KIF6: variants seen among roughly 807,000 people sequenced by gnomAD.
The protein encoded by KIF6 is kinesin-like protein KIF6.
KIF6 carries 106 observed loss-of-function variants against 112.7 expected under a neutral mutation model. The ratio of observed to expected loss-of-function variants is 0.94; its 90% confidence interval spans 0.80 to 1.11. The LOEUF is 1.11. Among genes scored for constraint, KIF6 ranks in the 50% least tolerant of loss-of-function variants. KIF6 has a pLI of 0.00. For synonymous variants in KIF6, 339 were observed against 339.9 expected, an observed-to-expected ratio of 1.00 and a Z score of 0.03; for missense variants, 929 against 964.0, an observed-to-expected ratio of 0.96 and a Z score of 0.48.
At chr6:39,357,404 T>C (rs1247106199) in intron 18 of KIF6, 30 bp from the exon 19 acceptor site, 1 of 1,377,384 alleles carries the variant, frequency 7.3e-7, no homozygotes, top group African/African-American at 1.4e-5. Context: ...TTTCACAGTG[T>C]TAGCTTGAAT....
chr6:39,362,881 G>A (rs1562133571), intron 16 of KIF6, among the ~76,000 whole-genome samples: 2 of 152,208 alleles, frequency 1.3e-5, no homozygotes, highest in African/African-American at 2.4e-5. Context: ...AGGCACAGTG[G>A]CTCACGCTTG....
At chr6:39,396,566 C>T (rs753386227) in intron 15 of KIF6, among the ~76,000 whole-genome samples, 4 of 152,114 alleles carry the variant, frequency 2.6e-5, no homozygotes, top group Admixed American at 6.5e-5. Context: ...CCTGGGCCTA[C>T]AATAATGGAA....
chr6:39,626,715 G>C (rs1407542326), intron 5 of KIF6, among the ~76,000 whole-genome samples: 1 of 152,118 alleles, frequency 6.6e-6, no homozygotes, highest in East Asian at 1.9e-4. Context: ...TTCCCTACGT[G>C]GATGAGGGAA....
intron 19 of KIF6, among the ~76,000 whole-genome samples, chr6:39,351,382 C>T (rs1393821397): frequency 6.6e-6 from 1 of 151,420 alleles, no homozygotes; most frequent in Non-Finnish European, 1.5e-5. Context: ...AGGCATGTGC[C>T]ACCACGCCCG....
intron 13 of KIF6, among the ~76,000 whole-genome samples, chr6:39,471,134 T>C (rs1386355057): frequency 6.6e-6 from 1 of 152,092 alleles, no homozygotes; most frequent in Admixed American, 6.6e-5. Context: ...TAGGTTTTCA[T>C]TTCCTTCTCT....
chr6:39,681,500 T>C (rs1480940663), intron 3 of KIF6, among the ~76,000 whole-genome samples: 2 of 152,230 alleles, frequency 1.3e-5, no homozygotes, highest in African/African-American at 4.8e-5. Flanking sequence ...GAATCTTTTC[T>C]TGTCAACAAA....
At chr6:39,584,459 A>AGTC (rs368344453) in intron 9 of KIF6, among the ~76,000 whole-genome samples, 1 of 128,594 alleles carries the variant, frequency 7.8e-6, no homozygotes, top group African/African-American at 3.0e-5. Flanking sequence ...AAAAAAAAAA[A>AGTC]AGACTATTAT....
intron 15 of KIF6, among the ~76,000 whole-genome samples, chr6:39,407,652 T>A (rs998349223): frequency 2.0e-5 from 3 of 152,220 alleles, no homozygotes; most frequent in African/African-American, 7.2e-5. Flanking sequence ...AAAATCAGTC[T>A]TTACCTCATT....
intron 7 of KIF6, among the ~76,000 whole-genome samples, chr6:39,590,451 A>ATATTTTTTTT (rs1338373703): frequency 4.7e-5 from 4 of 84,778 alleles, no homozygotes; most frequent in African/African-American, 2.0e-4. Flanking sequence ...ATATATATAT[A>ATATTTTTTTT]TTTTTTTTTT....
chr6:39,565,090 GGT>G (rs1780209900), intron 10 of KIF6, among the ~76,000 whole-genome samples: 1 of 151,222 alleles, frequency 6.6e-6, no homozygotes, highest in Non-Finnish European at 1.5e-5. Flanking sequence ...TTCTAGATTT[GGT>G]GGCAGTTCTG....
At chr6:39,656,531 C>T (rs1203150857) in intron 3 of KIF6, among the ~76,000 whole-genome samples, 3 of 152,168 alleles carry the variant, frequency 2.0e-5, no homozygotes, top group South Asian at 2.1e-4. Context: ...TGAGGCTTTC[C>T]ATAACCTGGA....
intron 5 of KIF6, among the ~76,000 whole-genome samples, chr6:39,629,641 T>G (rs112941916): frequency 0.02 from 3,020 of 152,222 alleles, 54 homozygotes; most frequent in Non-Finnish European, 0.029. Context: ...GTGACTTGCC[T>G]TTTCATTTTC....
At chr6:39,642,681 T>A (rs1272543114) in intron 3 of KIF6, among the ~76,000 whole-genome samples, 3 of 152,028 alleles carry the variant, frequency 2.0e-5, no homozygotes, top group Non-Finnish European at 4.4e-5. Flanking sequence ...GCCAGTGAAG[T>A]AAACAAGAAC....
At chr6:39,437,889 C>T (rs115510496) in intron 13 of KIF6, among the ~76,000 whole-genome samples, 88 of 152,010 alleles carry the variant, frequency 5.8e-4, no homozygotes, top group Non-Finnish European at 1.0e-3. Flanking sequence ...AAAAATATTG[C>T]GTATATAATT....
intron 3 of KIF6, among the ~76,000 whole-genome samples, chr6:39,695,889 A>G (rs1173806314): frequency 1.3e-5 from 2 of 152,242 alleles, no homozygotes; most frequent in African/African-American, 4.8e-5. Context: ...AAGACATGGA[A>G]TCAACACAGG....
intron 13 of KIF6, among the ~76,000 whole-genome samples, chr6:39,465,153 T>TG (rs1773712774): frequency 6.6e-6 from 1 of 152,144 alleles, no homozygotes; most frequent in Admixed American, 6.5e-5. Context: ...GGCGGGGATA[T>TG]CATACCCCAT....
intron 10 of KIF6, among the ~76,000 whole-genome samples, chr6:39,575,172 C>CA (rs1370464891): frequency 6.6e-6 from 1 of 152,168 alleles, no homozygotes; most frequent in African/African-American, 2.4e-5. Context: ...ACACCTGAAC[C>CA]ATGGGCTCAT....
In KIF6 at chr6:39,388,750, C is replaced by T. The variant is rs182037228; in HGVS notation, c.1811-3078G>A. ...TGTCATTACCACGGTGATAAATTTG[C>T]TGGTTTTGGCCTGGGTTCCTGGACA... On this transcript the variant is annotated intron_variant, in intron 15 of 22. Coordinates refer to ENST00000287152, the MANE Select transcript of KIF6 (RefSeq NM_145027.6). Among the ~76,000 whole-genome samples the T allele has an allele frequency of 7.2e-4, 109 of 152,200 alleles. 1 individual carries two copies. The highest frequency in any genetic ancestry group is 2.4e-3 in the African/African-American group (101 of 41,512).
chr6:39,628,245 CGTGT>C (rs140599243), intron 5 of KIF6, among the ~76,000 whole-genome samples: 4 of 149,040 alleles, frequency 2.7e-5, no homozygotes, highest in Non-Finnish European at 3.0e-5. Flanking sequence ...TACTCATTTA[CGTGT>C]GTGTGTGTGT....
Sources: allele counts gnomAD v4.1 joint callset (sites outside exome capture counted in the v4.1 genomes callset), GRCh38; gene constraint gnomAD v4.1.1; transcripts MANE v1.5; gene names NCBI Gene and HGNC (gene_info 2026-07-23, HGNC 2026-07-21).